KCNQ5: variants seen among roughly 807,000 people sequenced by gnomAD.
KCNQ5 encodes potassium voltage-gated channel subfamily KQT member 5.
KCNQ5 carries 30 observed loss-of-function variants against 98.2 expected under a neutral mutation model. The ratio of observed to expected loss-of-function variants is 0.31; its 90% CI spans 0.23 to 0.41. KCNQ5 has a LOEUF of 0.41. Ranked by LOEUF, KCNQ5 falls within the 10% of genes least tolerant of loss-of-function variation. The pLI is 1.00. For missense variants in KCNQ5, 835 were observed against 1,182.5 expected (o/e 0.71, Z 4.31); for synonymous variants, 458 against 449.4 (o/e 1.02, Z -0.24).
chr6:73,104,529 C>T (rs1774925736), intron 5 of KCNQ5, among the ~76,000 whole-genome samples: 1 of 152,178 alleles, frequency 6.6e-6, no homozygotes, highest in Non-Finnish European at 1.5e-5. Flanking sequence ...TCTATGTGTT[C>T]TCACTGTTCT....
chr6:72,673,574 G>A (rs1211803429), intron 1 of KCNQ5, among the ~76,000 whole-genome samples: 2 of 152,088 alleles, frequency 1.3e-5, no homozygotes, highest in Non-Finnish European at 2.9e-5. Context: ...TGGAGTGTAG[G>A]GATTCAGACA....
intron 1 of KCNQ5, among the ~76,000 whole-genome samples, chr6:72,739,118 A>C (rs1770999611): frequency 1.3e-5 from 2 of 152,084 alleles, no homozygotes; most frequent in Admixed American, 6.5e-5. Flanking sequence ...GGGGGATCTC[A>C]ATAGTGGAGA....
At chr6:72,852,321 C>A (rs1483728180) in intron 1 of KCNQ5, among the ~76,000 whole-genome samples, 1 of 151,890 alleles carries the variant, frequency 6.6e-6, no homozygotes, top group Admixed American at 6.6e-5. Context: ...ATGTTTATTG[C>A]AGCATTATTC....
At chr6:73,038,490 TGATG>T (rs1365740129) in intron 2 of KCNQ5, among the ~76,000 whole-genome samples, 7 of 152,248 alleles carry the variant, frequency 4.6e-5, no homozygotes, top group Non-Finnish European at 1.0e-4. Flanking sequence ...CTATTAAGTA[TGATG>T]TTAAGTTTGT....
At chr6:72,698,010 G>A (rs1198677589) in intron 1 of KCNQ5, among the ~76,000 whole-genome samples, 1 of 152,114 alleles carries the variant, frequency 6.6e-6, no homozygotes, top group East Asian at 1.9e-4. Context: ...GAGTCCACTA[G>A]TTCAATACCA....
intron 2 of KCNQ5, among the ~76,000 whole-genome samples, chr6:73,004,943 C>A (rs1769750252): frequency 6.6e-6 from 1 of 152,124 alleles, no homozygotes; most frequent in African/African-American, 2.4e-5. Flanking sequence ...ATTGTTACTA[C>A]CACGAAGGTG....
intron 1 of KCNQ5, among the ~76,000 whole-genome samples, chr6:72,880,138 A>G (rs1268183524): frequency 6.6e-6 from 1 of 152,226 alleles, no homozygotes; most frequent in Non-Finnish European, 1.5e-5. Context: ...CAGAATTTAT[A>G]GAAAAATTCG....
At chr6:72,953,682 A>T (rs1766910453) in intron 1 of KCNQ5, among the ~76,000 whole-genome samples, 1 of 152,188 alleles carries the variant, frequency 6.6e-6, no homozygotes, top group South Asian at 2.1e-4. Flanking sequence ...TTCAAGAAAC[A>T]TGAAGAGGTC....
At chr6:73,146,222 A>G (rs1220634262) in intron 10 of KCNQ5, among the ~76,000 whole-genome samples, 1 of 152,260 alleles carries the variant, frequency 6.6e-6, no homozygotes, top group Non-Finnish European at 1.5e-5. Context: ...CAAAGGAAAC[A>G]GATCTCGTTC....
chr6:73,179,160 G>A (rs961301984), intron 11 of KCNQ5, among the ~76,000 whole-genome samples: 3 of 152,166 alleles, frequency 2.0e-5, no homozygotes, highest in Non-Finnish European at 4.4e-5. Flanking sequence ...TCTGTTTTCT[G>A]ATGTTTATAA....
chr6:73,066,371 G>A (rs562678710), intron 3 of KCNQ5, among the ~76,000 whole-genome samples: 5 of 152,060 alleles, frequency 3.3e-5, no homozygotes, highest in African/African-American at 1.2e-4. Context: ...TTCTGTACTT[G>A]TTTATTGCTT....
At chr6:72,985,122 C>G (rs1016111562) in intron 1 of KCNQ5, among the ~76,000 whole-genome samples, 1 of 152,162 alleles carries the variant, frequency 6.6e-6, no homozygotes, top group African/African-American at 2.4e-5. Flanking sequence ...AGGAGGATTG[C>G]GTGAGCCCAG....
intron 1 of KCNQ5, among the ~76,000 whole-genome samples, chr6:72,862,132 A>G (rs6901519): frequency 0.011 from 1,694 of 152,210 alleles, 37 homozygotes; most frequent in African/African-American, 0.038. Context: ...CCCCAATTCC[A>G]AATTCCTTGG....
intron 1 of KCNQ5, among the ~76,000 whole-genome samples, chr6:72,750,596 C>T (rs1771625901): frequency 6.7e-6 from 1 of 149,096 alleles, no homozygotes; most frequent in Non-Finnish European, 1.5e-5. Flanking sequence ...TTTAAGTTCA[C>T]TTGATTAAAA....
chr6:73,039,202 C>T (rs1159190825), intron 2 of KCNQ5, among the ~76,000 whole-genome samples: 3 of 152,114 alleles, frequency 2.0e-5, no homozygotes, highest in South Asian at 2.1e-4. Flanking sequence ...ACATTCCTGA[C>T]ATTGGGGATT....
intron 1 of KCNQ5, among the ~76,000 whole-genome samples, chr6:72,685,942 G>C (rs1416473591): frequency 6.6e-6 from 1 of 152,112 alleles, no homozygotes; most frequent in East Asian, 1.9e-4. Flanking sequence ...TCTTAGTGAG[G>C]GTCCTCTTCT....
At chr6:73,105,678 T>C (rs1378048292) in intron 6 of KCNQ5, among the ~76,000 whole-genome samples, 1 of 152,352 alleles carries the variant, frequency 6.6e-6, no homozygotes, top group East Asian at 1.9e-4. Context: ...GATTTAAAGC[T>C]ATATTCTTTT....
intron 1 of KCNQ5, among the ~76,000 whole-genome samples, chr6:72,810,726 T>C (rs1775200010): frequency 1.3e-5 from 2 of 152,176 alleles, no homozygotes; most frequent in South Asian, 4.1e-4. Context: ...GCTATAAAAA[T>C]AAAGTGCCTC....
chr6:73,158,730 T>A (rs1196085777), intron 10 of KCNQ5, among the ~76,000 whole-genome samples: 1 of 152,226 alleles, frequency 6.6e-6, no homozygotes, highest in Non-Finnish European at 1.5e-5. Flanking sequence ...ATTTTATTTT[T>A]ACATATTCTC....
Sources: allele counts gnomAD v4.1 joint callset (sites outside exome capture counted in the v4.1 genomes callset), GRCh38; gene constraint gnomAD v4.1.1; transcripts MANE v1.5; gene names NCBI Gene and HGNC (gene_info 2026-07-23, HGNC 2026-07-21).